Variants in SUGCT observed in about 807,000 individuals in gnomAD.
SUGCT encodes the protein succinyl-CoA:glutarate CoA-transferase.
SUGCT carries 41 observed loss-of-function variants against 55.0 expected under a neutral mutation model. The observed-to-expected ratio is 0.74, with a 90% confidence interval of 0.58 to 0.97. SUGCT has a LOEUF of 0.97. Among genes scored for constraint, SUGCT ranks in the 50% least tolerant of loss-of-function variants. The probability of loss-of-function intolerance (pLI) is 0.00; values close to 1 mark genes in which losing one functional copy is unlikely to be tolerated. For synonymous variants in SUGCT, 187 were observed against 200.4 expected, an observed-to-expected ratio of 0.93 and a Z score of 0.56; for missense variants, 568 against 547.8, an observed-to-expected ratio of 1.04 and a Z score of -0.37.
intron 11 of SUGCT, among the ~76,000 whole-genome samples, chr7:40,462,687 A>G (rs748034932): frequency 1.3e-5 from 2 of 152,120 alleles, no homozygotes; most frequent in South Asian, 2.1e-4. Flanking sequence ...TTGAACACCT[A>G]CTATGTGCCA....
intron 12 of SUGCT, among the ~76,000 whole-genome samples, chr7:40,597,844 G>C (rs1798093726): frequency 6.6e-6 from 1 of 152,054 alleles, no homozygotes; most frequent in Non-Finnish European, 1.5e-5. Context: ...TGGAGTTGCT[G>C]TTCCTGTAAC....
chr7:40,921,032 G>A, the SUGCT span, among the ~76,000 whole-genome samples: 1 of 152,106 alleles, frequency 6.6e-6, no homozygotes, highest in Admixed American at 6.5e-5. Flanking sequence ...TTCTGGGTCA[G>A]GTACTGTTAG....
intron 9 of SUGCT, among the ~76,000 whole-genome samples, chr7:40,388,870 T>A (rs1785258294): frequency 6.6e-6 from 1 of 152,180 alleles, no homozygotes; most frequent in African/African-American, 2.4e-5. Context: ...GGGATCTTGT[T>A]TTTTCTCAGA....
intron 9 of SUGCT, among the ~76,000 whole-genome samples, chr7:40,323,996 A>G (rs1292611363): frequency 6.6e-6 from 1 of 151,828 alleles, no homozygotes; most frequent in African/African-American, 2.4e-5. Flanking sequence ...CTCATCCTTA[A>G]AGACTTTGTC....
At chr7:40,254,586 G>A (rs937191344) in intron 7 of SUGCT, among the ~76,000 whole-genome samples, 1 of 151,430 alleles carries the variant, frequency 6.6e-6, no homozygotes, top group Non-Finnish European at 1.5e-5. Flanking sequence ...GTAGAGGTGG[G>A]GTTTCACCAT....
chr7:40,899,113 G>A, the SUGCT span, among the ~76,000 whole-genome samples: 1 of 152,106 alleles, frequency 6.6e-6, no homozygotes, highest in African/African-American at 2.4e-5. Flanking sequence ...CCTCTGATAG[G>A]AGGGAAGGAG....
At chr7:40,832,175 C>T (rs1337135729) in intron 13 of SUGCT, among the ~76,000 whole-genome samples, 3 of 152,134 alleles carry the variant, frequency 2.0e-5, no homozygotes, top group Non-Finnish European at 4.4e-5. Flanking sequence ...GGTGGTGACA[C>T]AGAGTCCTGA....
chr7:40,304,254 A>G (rs1267729730), intron 8 of SUGCT, among the ~76,000 whole-genome samples: 1 of 152,042 alleles, frequency 6.6e-6, no homozygotes, highest in Non-Finnish European at 1.5e-5. Context: ...CCACGAAATA[A>G]TGAAAGAAAT....
At chr7:40,276,619 A>C (rs1792500497) in intron 8 of SUGCT, among the ~76,000 whole-genome samples, 1 of 152,102 alleles carries the variant, frequency 6.6e-6, no homozygotes, top group Admixed American at 6.6e-5. Flanking sequence ...AGTATCATAG[A>C]GTTTAATTCA....
chr7:40,186,627 A>G (rs1785529204), intron 3 of SUGCT, among the ~76,000 whole-genome samples: 6 of 152,182 alleles, frequency 3.9e-5, no homozygotes, highest in Admixed American at 3.3e-4. Flanking sequence ...AGCATATTAT[A>G]TTTATGTATA....
chr7:40,619,204 G>A (rs1799151596), intron 12 of SUGCT, among the ~76,000 whole-genome samples: 2 of 152,250 alleles, frequency 1.3e-5, no homozygotes, highest in Admixed American at 6.5e-5. Flanking sequence ...ATATAACCAG[G>A]CCTCTTGCAA....
chr7:40,349,125 A>G (rs1412686494), intron 9 of SUGCT, among the ~76,000 whole-genome samples: 1 of 152,186 alleles, frequency 6.6e-6, no homozygotes, highest in Non-Finnish European at 1.5e-5. Context: ...CTGGCAAACA[A>G]TGGTAAGTAA....
At chr7:40,751,777 T>C (rs1258367877) in intron 13 of SUGCT, among the ~76,000 whole-genome samples, 1 of 152,104 alleles carries the variant, frequency 6.6e-6, no homozygotes, top group Non-Finnish European at 1.5e-5. Flanking sequence ...CCCAACACAT[T>C]AGAGAAAGGG....
chr7:40,168,374 T>C (rs1376240670), intron 1 of SUGCT, among the ~76,000 whole-genome samples: 1 of 152,178 alleles, frequency 6.6e-6, no homozygotes, highest in East Asian at 1.9e-4. Context: ...TCATAGCATG[T>C]GCTAGCAGGC....
chr7:40,887,073 C>T, the SUGCT span, among the ~76,000 whole-genome samples: 2 of 152,232 alleles, frequency 1.3e-5, no homozygotes, highest in African/African-American at 4.8e-5. Flanking sequence ...TGGAATAGAA[C>T]CTTTGAGGAC....
intron 10 of SUGCT, among the ~76,000 whole-genome samples, chr7:40,450,179 T>G (rs1208431800): frequency 6.6e-6 from 1 of 151,958 alleles, no homozygotes; most frequent in Non-Finnish European, 1.5e-5. Context: ...CTGCCCACCT[T>G]GGCCTCCCAA....
At chr7:40,690,911 G>A (rs967786281) in intron 12 of SUGCT, among the ~76,000 whole-genome samples, 1 of 152,040 alleles carries the variant, frequency 6.6e-6, no homozygotes, top group African/African-American at 2.4e-5. Context: ...ATCTTAGGAG[G>A]ACCTAAAGGT....
intron 9 of SUGCT, among the ~76,000 whole-genome samples, chr7:40,431,896 A>G (rs577326033): frequency 1.3e-5 from 2 of 152,238 alleles, no homozygotes; most frequent in African/African-American, 4.8e-5. Flanking sequence ...GAATTTGTGT[A>G]TTAATTGTAA....
chr7:40,237,584 G>C, intron 6 of SUGCT, 51 bp from the exon 7 acceptor site: 1 of 1,411,386 alleles, frequency 7.1e-7, no homozygotes, highest in Middle Eastern at 1.8e-4. Context: ...TTGTACAGTG[G>C]TTTTAGCACA....
Sources: allele counts gnomAD v4.1 joint callset (sites outside exome capture counted in the v4.1 genomes callset), GRCh38; gene constraint gnomAD v4.1.1; transcripts MANE v1.5; gene names NCBI Gene and HGNC (gene_info 2026-07-23, HGNC 2026-07-21).